Variants in AMPD3 observed in about 807,000 individuals in gnomAD.
AMPD3 encodes adenosine monophosphate deaminase 3.
Under a neutral mutation model 82.3 loss-of-function variants are expected in AMPD3, and 57 were observed. That is an observed-to-expected ratio of 0.69 (90% CI 0.56 to 0.86). AMPD3 has a LOEUF of 0.86. Among genes scored for constraint, AMPD3 ranks in the 40% least tolerant of loss-of-function variants. The pLI, the probability that AMPD3 is intolerant of heterozygous loss-of-function variation, is 0.00. For synonymous variants in AMPD3, 381 were observed against 394.7 expected (o/e 0.97, Z 0.41); for missense variants, 870 against 1,003.8 (o/e 0.87, Z 1.80).
intron 1 of AMPD3, chr11:10,460,885 G>T (rs904071874): frequency 1.0e-6 from 1 of 985,308 alleles, no homozygotes. Context: ...CTTTGAGGGA[G>T]TGAGTTTTCA....
intron 2 of AMPD3, among the ~76,000 whole-genome samples, chr11:10,463,348 G>A (rs914590532): frequency 1.3e-5 from 2 of 152,240 alleles, no homozygotes; most frequent in Admixed American, 1.3e-4. Context: ...AAAGGCAGGA[G>A]TCACTGGTGC....
upstream of AMPD3, chr11:10,450,828 T>A (rs1847940913): frequency 5.9e-6 from 7 of 1,192,368 alleles, no homozygotes; most frequent in Non-Finnish European, 7.3e-6. Context: ...CGGCCCTCCC[T>A]CCTCCCGCGG....
At chr11:10,484,357 G>T in intron 4 of AMPD3, 1 of 985,360 alleles carries the variant, frequency 1.0e-6, no homozygotes, top group African/African-American at 1.7e-5. Context: ...CCCTCACCTG[G>T]CCTGGGCTCG....
Position 10,478,738 on chromosome 11 carries a change from G to A in AMPD3, c.426+8G>A, listed in dbSNP as rs150321693. The A allele has an allele frequency of 9.0e-4, 1,452 of 1,609,506 alleles. 10 individuals are homozygous for A. The African/African-American group carries it at 0.015, about 17-fold the overall frequency. ...GGAGATTACTGTGCCGGGGTAAGGCGTCTGTGAGAGTGTTGAATGTGCCTT... is the reference window on the plus strand; with the variant it reads ...GGAGATTACTGTGCCGGGGTAAGGCATCTGTGAGAGTGTTGAATGTGCCTT... On this transcript the variant is annotated splice_region_variant and intron_variant, in intron 3 of 14. Coordinates refer to ENST00000396553, the MANE Select transcript of AMPD3 (RefSeq NM_001025389.2).
chr11:10,456,063 T>C lies in AMPD3; in HGVS notation c.-6+615T>C, dbSNP rs1848084595. The C allele has an allele frequency of 1.8e-6, 2 of 1,084,126 alleles. No individual in the cohort carries two copies. Among genetic ancestry groups the C allele is most frequent in the Non-Finnish European group, 2.2e-6 (2 of 892,590 alleles). The allele number at this position is 1,084,126 out of a possible 1,614,324, so 67.2% of individuals were successfully genotyped here. ...AGAGGAAGCCGCCGCTTTAGTTTCC[T>C]CTTGTGAGGGCTGTGAAGAGGGCCA... On this transcript the variant is annotated intron_variant, in intron 1 of 14. Coordinates refer to ENST00000396553, the MANE Select transcript of AMPD3 (RefSeq NM_001025389.2). The surrounding 1 kb of genome is among the most constrained non-coding windows in gnomAD (Gnocchi z 4.3).
At chr11:10,477,244 C>A in intron 2 of AMPD3, 1 of 346,380 alleles carries the variant, frequency 2.9e-6, no homozygotes, top group Non-Finnish European at 4.1e-6. Context: ...TCTAGTGGGT[C>A]ACAGTTGTCA....
rs540946077 is a variant in AMPD3, at chr11:10,467,536, G to A, written c.221+5796G>A. 5.9e-5 allele frequency among the ~76,000 whole-genome samples: 9 copies of A among 152,304 alleles called. No homozygotes were observed. In the South Asian group the frequency reaches 8.3e-4, roughly 14 times the overall value. ...GACTATGTGCAAAGACCAAACCTAC[G>A]TTTGATGGATGTACCTGAAAGTGAC... On this transcript the variant is annotated intron_variant, in intron 2 of 14. Coordinates refer to ENST00000396553, the MANE Select transcript of AMPD3 (RefSeq NM_001025389.2).
rs568273356 is a variant in AMPD3 at position 10,459,264 on chromosome 11, C to A, written c.-5-2251C>A. Among the ~76,000 whole-genome samples, 350 of 152,276 alleles carry A rather than the reference C, an allele frequency of 2.3e-3. 1 individual carries two copies. The highest frequency in any genetic ancestry group is 3.4e-3 in the Middle Eastern group (1 of 294). On this transcript the variant is annotated intron_variant, in intron 1 of 14. Transcript: ENST00000396553. ...AGAGTTAAGGGAGCCACAGACCTCA[C>A]TCTGATTGCCTGTTGCTAGCCTGCT...
intron 4 of AMPD3, among the ~76,000 whole-genome samples, chr11:10,483,424 A>G (rs1020339721): frequency 6.6e-6 from 1 of 152,160 alleles, no homozygotes; most frequent in African/African-American, 2.4e-5. Flanking sequence ...CTGTACTTTG[A>G]GCATCTGGGG....
intron 6 of AMPD3, chr11:10,488,323 G>C (rs1265132932): frequency 2.0e-6 from 2 of 985,350 alleles, no homozygotes; most frequent in East Asian, 1.1e-4. Flanking sequence ...CTGTCAACCA[G>C]GTGGCTTTGA....
chr11:10,495,118 C>G, intron 8 of AMPD3, 88 bp downstream of exon 8: 1 of 1,611,322 alleles, frequency 6.2e-7, no homozygotes, highest in South Asian at 1.1e-5. Flanking sequence ...GCCCCTGGCC[C>G]CTTCCCCTCC....
chr11:10,456,486 T>C lies in AMPD3; in HGVS notation c.-6+1038T>C, dbSNP rs1303317125. 1 of 1,613,358 alleles carries C rather than the reference T, an allele frequency of 6.2e-7. No homozygotes were observed. Among genetic ancestry groups the C allele is most frequent in the African/African-American group, 1.3e-5 (1 of 74,930 alleles). On this transcript the variant is annotated intron_variant, in intron 1 of 14. Transcript: ENST00000396553. The surrounding 1 kb of genome is among the most constrained non-coding windows in gnomAD (Gnocchi z 4.3). ...TATAACGAGGGGATTTCAGTGGCAC[T>C]GGGCTTCCTTTCTGGAGGGACTGTG...
intron 3 of AMPD3, among the ~76,000 whole-genome samples, chr11:10,479,031 C>G (rs1054826480): frequency 7.2e-5 from 11 of 151,972 alleles, no homozygotes; most frequent in African/African-American, 2.7e-4. Context: ...GTCCCTGTAG[C>G]CTGTTGAGAA....
chr11:10,451,117 A>T (rs1482249432), upstream of AMPD3: 56 of 1,537,186 alleles, frequency 3.6e-5, no homozygotes, highest in Non-Finnish European at 4.7e-5. Context: ...GGGAATCAGC[A>T]GCGCCCTGGG....
chr11:10,482,324 T>A, intron 4 of AMPD3, 99 bp downstream of exon 4: 1 of 1,378,560 alleles, frequency 7.3e-7, no homozygotes, highest in Non-Finnish European at 9.9e-7. Context: ...GATAGTATTT[T>A]AAAATGACAA....
intron 1 of AMPD3, chr11:10,455,920 C>G (rs928410605): frequency 5.1e-6 from 5 of 985,366 alleles, no homozygotes; most frequent in Non-Finnish European, 6.0e-6. Context: ...AGAACGGAAG[C>G]AGCAAAGGTG....
intron 2 of AMPD3, among the ~76,000 whole-genome samples, chr11:10,464,550 G>A (rs1294014333): frequency 6.6e-6 from 1 of 152,148 alleles, no homozygotes; most frequent in Non-Finnish European, 1.5e-5. Context: ...GAATGTAATT[G>A]TTGCTTCTAA....
chr11:10,482,030 A>G (rs754603254), intron 3 of AMPD3, 33 bp from the exon 4 acceptor site: 4 of 1,614,022 alleles, frequency 2.5e-6, no homozygotes, highest in South Asian at 1.1e-5. Context: ...GGCCTGCTGC[A>G]TGAACCCTTT....
In AMPD3 at chr11:10,461,515, C is replaced by G. The variant is rs773226493; in HGVS notation, c.-5C>G. The stretch of plus-strand genomic sequence containing the variant: ...TTCATGCTTGTTCTTTCTTTGCTAG[C>G]TGAGATGCCGCGGCAGTTTCCCAAG... On this transcript the variant is annotated splice_region_variant and 5_prime_UTR_variant, in exon 2 of 15. Coordinates refer to ENST00000396553, the MANE Select transcript of AMPD3 (RefSeq NM_001025389.2). 1 of 1,614,050 alleles carries G rather than the reference C, an allele frequency of 6.2e-7. No homozygotes were observed. Among genetic ancestry groups the G allele is most frequent in the Non-Finnish European group, 8.5e-7 (1 of 1,180,040 alleles).
Sources: gnomAD v4.1 joint callset for allele counts (sites outside exome capture counted in the v4.1 genomes callset) on GRCh38, gnomAD v4.1.1 for gene constraint, Gnocchi (gnomAD v3.1) non-coding constraint, MANE v1.5 for transcripts, NCBI Gene and HGNC (gene_info 2026-07-23, HGNC 2026-07-21) for gene names.